Variants in RPS6KC1 observed in about 807,000 individuals in gnomAD.
The protein encoded by RPS6KC1 is ribosomal protein S6 kinase C1.
Under a neutral mutation model 103.8 loss-of-function variants are expected in RPS6KC1, and 54 were observed. The ratio of observed to expected loss-of-function variants is 0.52; its 90% CI spans 0.42 to 0.65. The LOEUF (loss-of-function observed/expected upper bound fraction) is 0.65, where lower values mean the gene tolerates loss of function less well. Ranked by LOEUF, RPS6KC1 falls within the 30% of genes least tolerant of loss-of-function variation. RPS6KC1 has a pLI of 0.00. For synonymous variants in RPS6KC1, 439 were observed against 438.7 expected (o/e 1.00, Z -0.01); for missense variants, 1,151 against 1,253.8 (o/e 0.92, Z 1.24).
chr1:213,167,582 A>G (rs2091100354), intron 6 of RPS6KC1, among the ~76,000 whole-genome samples: 1 of 151,886 alleles, frequency 6.6e-6, no homozygotes, highest in Non-Finnish European at 1.5e-5. Context: ...GCTTTTTACA[A>G]ATAGACATTT....
the RPS6KC1 span, among the ~76,000 whole-genome samples, chr1:213,382,399 T>C: frequency 6.6e-6 from 1 of 152,222 alleles, no homozygotes; most frequent in East Asian, 1.9e-4. Flanking sequence ...GGTGTCTGTA[T>C]GGCGAGCTGG....
the RPS6KC1 span, among the ~76,000 whole-genome samples, chr1:213,490,300 T>G: frequency 6.6e-6 from 1 of 152,186 alleles, no homozygotes. Flanking sequence ...GAAAGCGGCT[T>G]AATATGGCAA....
chr1:213,623,052 G>T, the RPS6KC1 span, among the ~76,000 whole-genome samples: 1 of 152,160 alleles, frequency 6.6e-6, no homozygotes, highest in African/African-American at 2.4e-5. Flanking sequence ...GATATGCCTC[G>T]ATCGATCCAT....
At chr1:213,170,282 A>G (rs2091371773) in intron 7 of RPS6KC1, among the ~76,000 whole-genome samples, 1 of 152,246 alleles carries the variant, frequency 6.6e-6, no homozygotes, top group Admixed American at 6.5e-5. Context: ...TTTTAACTAG[A>G]AGAATAGAAC....
the RPS6KC1 span, among the ~76,000 whole-genome samples, chr1:213,662,225 GAA>G: frequency 0.65 from 97,913 of 150,412 alleles, 32,173 homozygotes; most frequent in Non-Finnish European, 0.7. Context: ...TGTGTGCCTA[GAA>G]AAAAAAAAAA....
chr1:213,282,677 C>G, the RPS6KC1 span, among the ~76,000 whole-genome samples: 22 of 152,356 alleles, frequency 1.4e-4, no homozygotes, highest in East Asian at 4.0e-3. Context: ...CTCTTGTCAT[C>G]ATTGATGAGG....
At chr1:213,312,878 G>A in the RPS6KC1 span, among the ~76,000 whole-genome samples, 1 of 152,168 alleles carries the variant, frequency 6.6e-6, no homozygotes, top group East Asian at 1.9e-4. Flanking sequence ...GCTGTTTTTA[G>A]CTACAATAAC....
At chr1:213,586,426 A>G in the RPS6KC1 span, among the ~76,000 whole-genome samples, 1 of 152,220 alleles carries the variant, frequency 6.6e-6, no homozygotes, top group African/African-American at 2.4e-5. Flanking sequence ...AGGTCAGGGA[A>G]GTTTATGAAC....
chr1:213,439,224 C>T, the RPS6KC1 span, among the ~76,000 whole-genome samples: 2 of 152,144 alleles, frequency 1.3e-5, no homozygotes, highest in Non-Finnish European at 2.9e-5. Flanking sequence ...TATGCCCTTA[C>T]AGGAAAAACC....
the RPS6KC1 span, among the ~76,000 whole-genome samples, chr1:213,520,037 A>G: frequency 6.6e-6 from 1 of 152,156 alleles, no homozygotes; most frequent in Admixed American, 6.5e-5. Flanking sequence ...ATCTTGAGCT[A>G]TGTATATAAG....
the RPS6KC1 span, among the ~76,000 whole-genome samples, chr1:213,773,705 A>T: frequency 0.016 from 2,377 of 152,138 alleles, 68 homozygotes; most frequent in East Asian, 0.073. Flanking sequence ...TGCAGACCTG[A>T]GGTGGAATTT....
chr1:213,506,243 C>T, the RPS6KC1 span, among the ~76,000 whole-genome samples: 12 of 151,992 alleles, frequency 7.9e-5, no homozygotes, highest in Admixed American at 3.3e-4. Flanking sequence ...TGGTAAGTAA[C>T]GAGATGAAGG....
At chr1:213,576,128 G>A in the RPS6KC1 span, among the ~76,000 whole-genome samples, 6 of 152,168 alleles carry the variant, frequency 3.9e-5, no homozygotes, top group African/African-American at 9.6e-5. Flanking sequence ...GCATACCCAC[G>A]AGTTGTGCAT....
chr1:213,489,656 G>A, the RPS6KC1 span, among the ~76,000 whole-genome samples: 1 of 152,314 alleles, frequency 6.6e-6, no homozygotes, highest in Admixed American at 6.5e-5. Flanking sequence ...TATAGGATGT[G>A]CAGTGGCAAC....
the RPS6KC1 span, among the ~76,000 whole-genome samples, chr1:213,446,321 C>T: frequency 4.6e-5 from 7 of 152,276 alleles, no homozygotes; most frequent in East Asian, 1.3e-3. Context: ...TGGAGTTATT[C>T]AAATAAAAGT....
the RPS6KC1 span, among the ~76,000 whole-genome samples, chr1:213,724,709 C>G: frequency 6.6e-6 from 1 of 152,060 alleles, no homozygotes; most frequent in African/African-American, 2.4e-5. Context: ...CAAGACCAGC[C>G]TGGGTAACAC....
chr1:213,211,169 A>G (rs1312394941), intron 8 of RPS6KC1, among the ~76,000 whole-genome samples: 1 of 152,262 alleles, frequency 6.6e-6, no homozygotes, highest in Non-Finnish European at 1.5e-5. Flanking sequence ...ATCTAAATTT[A>G]ACAGTGTCAA....
the RPS6KC1 span, among the ~76,000 whole-genome samples, chr1:213,862,246 C>T: frequency 2.0e-3 from 301 of 152,300 alleles, 1 homozygote; most frequent in African/African-American, 6.5e-3. Context: ...GAGGATCGTG[C>T]GGCTCTCCTT....
At position 213,206,523 on chromosome 1, in the gene RPS6KC1, T is replaced by TA. The variant is rs1350931019; in HGVS notation, c.1045-23968dup. ...TTGTAAAGCAGCACAGAAGAGGCCA[T>TA]AAAAAAGCATGAAAAAAGACAGAGC... On this transcript the variant is annotated intron_variant, in intron 8 of 14. Transcript: ENST00000366960. Among the ~76,000 whole-genome samples, 6 of 152,292 alleles carry TA rather than the reference T, an allele frequency of 3.9e-5. No homozygotes were observed. In the East Asian group the frequency reaches 9.6e-4, roughly 24 times the overall value.
Sources: allele counts gnomAD v4.1 joint callset (sites outside exome capture counted in the v4.1 genomes callset), GRCh38; gene constraint gnomAD v4.1.1; transcripts MANE v1.5; gene names NCBI Gene and HGNC (gene_info 2026-07-23, HGNC 2026-07-21).